The following GSG1L variants were observed in gnomAD, a reference collection of about 807,000 sequenced individuals.
GSG1L encodes GSG1 like, also known as germ cell-specific gene 1-like protein.
A neutral mutation model predicts 42.1 loss-of-function variants in GSG1L; 24 were observed. The ratio of observed to expected loss-of-function variants is 0.57; its 90% CI spans 0.41 to 0.80. The LOEUF (loss-of-function observed/expected upper bound fraction) is 0.80, where lower values mean the gene tolerates loss of function less well. Among genes scored for constraint, GSG1L ranks in the 30% least tolerant of loss-of-function variants. GSG1L has a pLI of 0.00. For synonymous variants in GSG1L, 215 were observed against 203.5 expected (o/e 1.06, Z -0.48); for missense variants, 445 against 472.2 (o/e 0.94, Z 0.53).
chr16:27,887,188 T>C (rs2084041170), intron 2 of GSG1L, among the ~76,000 whole-genome samples: 1 of 152,060 alleles, frequency 6.6e-6, no homozygotes, highest in East Asian at 1.9e-4. Flanking sequence ...ACTCCTAAGC[T>C]CAAGTGATCA....
intron 4 of GSG1L, among the ~76,000 whole-genome samples, chr16:27,830,578 G>A (rs2083263713): frequency 6.6e-6 from 1 of 151,984 alleles, no homozygotes; most frequent in East Asian, 1.9e-4. Flanking sequence ...TCTTCCAGAA[G>A]CCCTGACTGT....
intron 2 of GSG1L, among the ~76,000 whole-genome samples, chr16:27,890,084 A>G (rs2084107189): frequency 6.6e-6 from 1 of 152,058 alleles, no homozygotes; most frequent in Non-Finnish European, 1.5e-5. Context: ...CCACTTGGAG[A>G]CCATATTCTC....
Position 28,038,843 on chromosome 16 carries a change from C to T in GSG1L, c.349+24233G>A, listed in dbSNP as rs187442426. Among the ~76,000 whole-genome samples the T allele has an allele frequency of 1.3e-3, 199 of 152,292 alleles. 1 individual carries two copies. The highest frequency in any genetic ancestry group is 4.6e-3 in the African/African-American group (192 of 41,564). ...ATCCCTTGAGATAATGATCCCGCTGCACATTTCTGTAACATTCTGCCCACC... is the reference window on the plus strand; with the variant it reads ...ATCCCTTGAGATAATGATCCCGCTGTACATTTCTGTAACATTCTGCCCACC... On this transcript the variant is annotated intron_variant, in intron 1 of 6. Transcript: ENST00000447459.
chr16:27,823,926 G>A (rs2083177524), intron 5 of GSG1L: 1 of 702,852 alleles, frequency 1.4e-6, no homozygotes, highest in African/African-American at 1.7e-5. Flanking sequence ...CTGTAAAATG[G>A]AGGTGACAAT....
intron 6 of GSG1L, 97 bp downstream of exon 6, chr16:27,807,390 G>A (rs916778201): frequency 6.0e-5 from 55 of 923,360 alleles, no homozygotes; most frequent in Non-Finnish European, 1.4e-5. Flanking sequence ...AGGGTGCAGT[G>A]GGGGGTGGGG....
chr16:27,847,563 AAGAGAG>A (rs2083457606), intron 3 of GSG1L, among the ~76,000 whole-genome samples: 4 of 152,250 alleles, frequency 2.6e-5, no homozygotes, highest in Admixed American at 2.6e-4. Flanking sequence ...AGGAAAGTGA[AAGAGAG>A]AGCCGAGCTT....
Position 27,888,398 on chromosome 16 carries a change from CTCCTTCTTTCTTTCTT to C in GSG1L, c.398-3776_398-3761del, listed in dbSNP as rs1170206534. The stretch of plus-strand genomic sequence containing the variant: ...TGTGGTTCTTTCTTTCTTTTCTTTT[CTCCTTCTTTCTTTCTT>C]TCTTTCTTTCTTTCTTTCTTTCTTT... On this transcript the variant is annotated intron_variant, in intron 2 of 6. Transcript: ENST00000447459. Among the ~76,000 whole-genome samples, 12 of 141,100 alleles carry C rather than the reference CTCCTTCTTTCTTTCTT, an allele frequency of 8.5e-5. 1 individual carries two copies. The East Asian group carries it at 1.1e-3, about 13-fold the overall frequency. 92.6% of individuals were successfully genotyped at this position (141,100 alleles called of 152,430 possible).
intron 2 of GSG1L, among the ~76,000 whole-genome samples, chr16:27,942,847 G>C (rs1003653324): frequency 7.2e-5 from 11 of 152,154 alleles, no homozygotes; most frequent in African/African-American, 2.4e-4. Context: ...TTTGCAAAAT[G>C]GGATAGAAAA....
chr16:27,986,580 T>A (rs1026493673), intron 1 of GSG1L, among the ~76,000 whole-genome samples: 1 of 151,426 alleles, frequency 6.6e-6, no homozygotes, highest in African/African-American at 2.4e-5. Context: ...GACAAAGGGA[T>A]AAGACTCCTG....
At chr16:28,036,584 C>A (rs205445) in intron 1 of GSG1L, among the ~76,000 whole-genome samples, 8,178 of 152,154 alleles carry the variant, frequency 0.054, 703 homozygotes, top group African/African-American at 0.18. Flanking sequence ...TCTGTCCCCC[C>A]CTTCACCAGG....
At chr16:27,995,822 C>G (rs1050597196) in intron 1 of GSG1L, among the ~76,000 whole-genome samples, 1 of 151,824 alleles carries the variant, frequency 6.6e-6, no homozygotes, top group Non-Finnish European at 1.5e-5. Flanking sequence ...CCAGTAGGCT[C>G]TCAACCCAGG....
At chr16:28,007,385 C>T (rs1193443292) in intron 1 of GSG1L, among the ~76,000 whole-genome samples, 1 of 152,116 alleles carries the variant, frequency 6.6e-6, no homozygotes, top group Non-Finnish European at 1.5e-5. Flanking sequence ...GAAACCTCCT[C>T]CCTGAAGCCC....
chr16:27,836,037 A>G (rs551336932), intron 4 of GSG1L, among the ~76,000 whole-genome samples: 1 of 152,224 alleles, frequency 6.6e-6, no homozygotes, highest in South Asian at 2.1e-4. Context: ...GCTGGCAACA[A>G]ATGTTCTTAG....
chr16:27,814,331 C>T (rs1597467958), intron 5 of GSG1L, among the ~76,000 whole-genome samples: 3 of 152,098 alleles, frequency 2.0e-5, no homozygotes, highest in Admixed American at 1.3e-4. Context: ...AGGCTGGTCT[C>T]GAACTCCTGG....
chr16:27,891,813 CT>C (rs2084129565), intron 2 of GSG1L, among the ~76,000 whole-genome samples: 1 of 145,324 alleles, frequency 6.9e-6, no homozygotes, highest in Non-Finnish European at 1.5e-5. Context: ...GTAAGGAGTT[CT>C]TTCATTCAAG....
intron 2 of GSG1L, among the ~76,000 whole-genome samples, chr16:27,916,517 C>G (rs1312385786): frequency 7.9e-6 from 1 of 126,830 alleles, no homozygotes; most frequent in African/African-American, 3.1e-5. Flanking sequence ...GAGATGAGTT[C>G]TCATTCTGTT....
At chr16:28,033,466 G>A (rs565911098) in intron 1 of GSG1L, among the ~76,000 whole-genome samples, 1 of 151,930 alleles carries the variant, frequency 6.6e-6, no homozygotes, top group African/African-American at 2.4e-5. Flanking sequence ...TTAAACCAAG[G>A]TTCATGTTAT....
intron 1 of GSG1L, among the ~76,000 whole-genome samples, chr16:27,967,575 T>C (rs1402793649): frequency 6.6e-6 from 1 of 152,146 alleles, no homozygotes; most frequent in Non-Finnish European, 1.5e-5. Context: ...TGCTGATATT[T>C]TAGCCCACTG....
At chr16:28,045,186 A>G (rs2086147698) in intron 1 of GSG1L, among the ~76,000 whole-genome samples, 1 of 152,204 alleles carries the variant, frequency 6.6e-6, no homozygotes, top group Non-Finnish European at 1.5e-5. Flanking sequence ...GTGCAACGCT[A>G]TGAGTGAACC....
Sources: allele counts gnomAD v4.1 joint callset (sites outside exome capture counted in the v4.1 genomes callset), GRCh38; gene constraint gnomAD v4.1.1; transcripts MANE v1.5; gene names NCBI Gene and HGNC (gene_info 2026-07-23, HGNC 2026-07-21).